The following SPHKAP variants were observed in gnomAD, a reference collection of about 807,000 sequenced individuals.
The protein encoded by SPHKAP is SPHK1 interactor, AKAP domain containing, also known as A-kinase anchor protein SPHKAP.
Under a neutral mutation model 137.5 loss-of-function variants are expected in SPHKAP, and 67 were observed. The observed-to-expected ratio is 0.49, with a 90% CI of 0.40 to 0.60. SPHKAP has a LOEUF of 0.60. Among genes scored for constraint, SPHKAP ranks in the 20% least tolerant of loss-of-function variants. The pLI is 0.00. For missense variants in SPHKAP, 2,097 were observed against 2,069.3 expected, an observed-to-expected ratio of 1.01 and a Z score of -0.26; for synonymous variants, 813 against 785.3, an observed-to-expected ratio of 1.04 and a Z score of -0.59.
intron 4 of SPHKAP, chr2:228,025,760 A>T (rs1233371857): frequency 2.6e-6 from 2 of 767,298 alleles, no homozygotes; most frequent in African/African-American, 3.8e-5. Flanking sequence ...AAAAGTAAAC[A>T]TTTTACAAAG....
chr2:227,998,673 G>A (rs531299429), intron 7 of SPHKAP, among the ~76,000 whole-genome samples: 2 of 152,178 alleles, frequency 1.3e-5, no homozygotes, highest in Admixed American at 1.3e-4. Flanking sequence ...CCTAATGTCT[G>A]GCTAACATAG....
chr2:228,056,061 C>T (rs1185940529), intron 3 of SPHKAP, among the ~76,000 whole-genome samples: 2 of 152,234 alleles, frequency 1.3e-5, no homozygotes, highest in African/African-American at 2.4e-5. Context: ...TCCTTCTCAT[C>T]TTTCAGACCT....
intron 1 of SPHKAP, among the ~76,000 whole-genome samples, chr2:228,153,339 T>C (rs1699996965): frequency 6.6e-6 from 1 of 152,232 alleles, no homozygotes; most frequent in Admixed American, 6.5e-5. Context: ...TTTTATTTCT[T>C]TTTGTATTTC....
rs1693500925 is a variant in SPHKAP, at chr2:227,993,517, T to A, written c.4721+17A>T. ...GAGTAGTGGTCTCACAATCACTGCA[T>A]CTCAGTGGCTACTTACTTAATCATG... On this transcript the variant is annotated intron_variant, in intron 9 of 11. Transcript: ENST00000392056. The A allele has an allele frequency of 6.3e-7, 1 of 1,587,032 alleles. No homozygotes were observed. The highest frequency in any genetic ancestry group is 2.3e-5 in the East Asian group (1 of 43,942).
At chr2:228,099,223 G>A (rs1052266145) in intron 3 of SPHKAP, among the ~76,000 whole-genome samples, 4 of 152,144 alleles carry the variant, frequency 2.6e-5, no homozygotes, top group African/African-American at 9.7e-5. Context: ...GTAAAACGTA[G>A]GGGTCTAGTT....
At chr2:228,083,627 T>C (rs1417282792) in intron 3 of SPHKAP, among the ~76,000 whole-genome samples, 1 of 152,194 alleles carries the variant, frequency 6.6e-6, no homozygotes, top group Non-Finnish European at 1.5e-5. Context: ...TAAAGACACA[T>C]GCACACGTAT....
chr2:228,115,841 A>G (rs966417443), intron 2 of SPHKAP, among the ~76,000 whole-genome samples: 1 of 152,142 alleles, frequency 6.6e-6, no homozygotes, highest in African/African-American at 2.4e-5. Context: ...CCACCAACTC[A>G]TAGGTTAAAA....
intron 3 of SPHKAP, among the ~76,000 whole-genome samples, chr2:228,038,194 A>T (rs1695704684): frequency 6.6e-6 from 1 of 152,144 alleles, no homozygotes; most frequent in African/African-American, 2.4e-5. Flanking sequence ...CCTTAAAGTG[A>T]CAGAAACATC....
At chr2:228,016,123 T>C (rs1694578456) in intron 7 of SPHKAP, among the ~76,000 whole-genome samples, 1 of 152,176 alleles carries the variant, frequency 6.6e-6, no homozygotes, top group Admixed American at 6.5e-5. Flanking sequence ...AGAGATTTAC[T>C]TTCAACTCTC....
chr2:228,131,870 G>A, intron 2 of SPHKAP, 110 bp downstream of exon 2: 2 of 1,440,014 alleles, frequency 1.4e-6, no homozygotes, highest in East Asian at 2.4e-5. Flanking sequence ...GAGCCATTTT[G>A]TTGTTTGTTT....
chr2:228,075,883 A>C (rs73096683), intron 3 of SPHKAP, among the ~76,000 whole-genome samples: 2,823 of 152,320 alleles, frequency 0.019, 83 homozygotes, highest in African/African-American at 0.062. Context: ...CAAATCATAC[A>C]CTTAAGTAAT....
At chr2:228,149,974 A>C (rs1367643117) in intron 1 of SPHKAP, among the ~76,000 whole-genome samples, 1 of 152,146 alleles carries the variant, frequency 6.6e-6, no homozygotes, top group African/African-American at 2.4e-5. Flanking sequence ...GAAATGTTGA[A>C]TAGAGTAATG....
At chr2:228,149,466 T>G (rs942805238) in intron 1 of SPHKAP, among the ~76,000 whole-genome samples, 2 of 152,218 alleles carry the variant, frequency 1.3e-5, no homozygotes, top group South Asian at 2.1e-4. Context: ...ACGATTTTAC[T>G]GTGTGAATGA....
intron 1 of SPHKAP, among the ~76,000 whole-genome samples, chr2:228,158,289 C>T (rs1479719623): frequency 6.6e-6 from 1 of 150,710 alleles, no homozygotes; most frequent in Non-Finnish European, 1.5e-5. Context: ...ATACAATACA[C>T]ATATATAAGA....
intron 11 of SPHKAP, among the ~76,000 whole-genome samples, chr2:227,984,921 C>T (rs897481512): frequency 3.3e-5 from 5 of 152,056 alleles, no homozygotes; most frequent in African/African-American, 4.8e-5. Context: ...TTCTGTAAAC[C>T]GTGGCTTACG....
intron 2 of SPHKAP, among the ~76,000 whole-genome samples, chr2:228,129,509 G>C (rs752167549): frequency 3.3e-5 from 5 of 152,024 alleles, no homozygotes; most frequent in Non-Finnish European, 7.4e-5. Flanking sequence ...TTCTCCCCAA[G>C]ATCTAACAGA....
At chr2:228,064,117 G>C (rs990177080) in intron 3 of SPHKAP, among the ~76,000 whole-genome samples, 1 of 152,180 alleles carries the variant, frequency 6.6e-6, no homozygotes, top group Admixed American at 6.5e-5. Context: ...AGAATCATAA[G>C]TAGTAGAATC....
At chr2:228,163,887 G>T (rs1700347535) in intron 1 of SPHKAP, among the ~76,000 whole-genome samples, 1 of 152,076 alleles carries the variant, frequency 6.6e-6, no homozygotes, top group African/African-American at 2.4e-5. Flanking sequence ...CCCCTGTGAT[G>T]GTTAATATTA....
chr2:228,108,410 T>G (rs777406003), intron 3 of SPHKAP, among the ~76,000 whole-genome samples: 11 of 152,028 alleles, frequency 7.2e-5, no homozygotes, highest in Non-Finnish European at 1.5e-4. Context: ...TTTTTCAAGG[T>G]TTTCAAATAA....
Sources: allele counts gnomAD v4.1 joint callset (sites outside exome capture counted in the v4.1 genomes callset), GRCh38; gene constraint gnomAD v4.1.1; transcripts MANE v1.5; gene names NCBI Gene and HGNC (gene_info 2026-07-23, HGNC 2026-07-21).